Variants in TIAL1 observed in about 807,000 individuals in gnomAD.
TIAL1 encodes TIA1 cytotoxic granule associated RNA binding protein like 1.
A neutral mutation model predicts 59.7 loss-of-function variants in TIAL1; 7 were observed. The ratio of observed to expected loss-of-function variants is 0.12; its 90% confidence interval spans 0.07 to 0.22. The LOEUF (loss-of-function observed/expected upper bound fraction) is 0.22. TIAL1 is among the 10% of genes least tolerant of loss of function. The probability of loss-of-function intolerance (pLI) is 1.00; values close to 1 mark genes in which losing one functional copy is unlikely to be tolerated. For missense variants in TIAL1, 225 were observed against 462.5 expected (o/e 0.49, Z 4.71); for synonymous variants, 149 against 146.3 (o/e 1.02, Z -0.13).
At position 119,582,530 on chromosome 10, in the gene TIAL1, C is replaced by A; in HGVS notation, c.157G>T (p.Val53Leu). The A allele has an allele frequency of 6.2e-7, 1 of 1,612,198 alleles. No homozygotes were observed. Among genetic ancestry groups the A allele is most frequent in the African/African-American group, 1.3e-5 (1 of 74,932 alleles). ...EHTSNDPYCF[V>L]EFYEHRDAAA... is the part of the protein sequence containing the mutation. ...GCATCTCTGTGTTCATAAAATTCCA[C>A]AAAGCAATATGGGTCATTGCTTGTA... The change falls in exon 3 of 12, where the codon GTG (valine) becomes TTG (leucine). Residue 53 changes from valine (V) to leucine (L), a missense_variant. Transcript: ENST00000436547. This position sits in a 1 kb window ranked among gnomAD's most constrained non-coding sequence, Gnocchi z 5.1.
At chr10:119,578,607 G>T in intron 7 of TIAL1, 119 bp downstream of exon 7, 1 of 883,974 alleles carries the variant, frequency 1.1e-6, no homozygotes, top group Non-Finnish European at 1.8e-6. Flanking sequence ...CTCCAGCCTG[G>T]GCAACAGAGC....
At chr10:119,594,165 G>A (rs923661005) in intron 1 of TIAL1, among the ~76,000 whole-genome samples, 1 of 151,872 alleles carries the variant, frequency 6.6e-6, no homozygotes, top group Non-Finnish European at 1.5e-5. Flanking sequence ...ACAGAGTTAA[G>A]ATGTTTATTT....
At chr10:119,575,846 T>C (rs2133984439) in intron 11 of TIAL1, 55 bp from the exon 12 acceptor site, 1 of 1,489,724 alleles carries the variant, frequency 6.7e-7, no homozygotes, top group South Asian at 1.4e-5. Flanking sequence ...AAATCACATA[T>C]GTATTTACAC....
At chr10:119,590,951 T>G (rs1158139628) in intron 1 of TIAL1, among the ~76,000 whole-genome samples, 1 of 152,214 alleles carries the variant, frequency 6.6e-6, no homozygotes, top group African/African-American at 2.4e-5. Flanking sequence ...ATAACAAAAT[T>G]AAAATAGAAT....
chr10:119,577,772 A>G (rs1237188697), intron 7 of TIAL1, 36 bp from the exon 8 acceptor site: 1 of 1,510,084 alleles, frequency 6.6e-7, no homozygotes, highest in Non-Finnish European at 9.2e-7. Flanking sequence ...GTTGACTGTT[A>G]TATTGTACTA....
At chr10:119,581,419 C>A (rs768018470) in intron 5 of TIAL1, among the ~76,000 whole-genome samples, 6 of 151,888 alleles carry the variant, frequency 4.0e-5, no homozygotes, top group Admixed American at 6.6e-5. Flanking sequence ...TCACTTATAG[C>A]TAAAATATCA....
In TIAL1 at chr10:119,578,817, A is replaced by T. The variant is rs1307606311; in HGVS notation, c.465T>A (p.Ile155=). Residue 155 remains isoleucine (I), a synonymous_variant, in exon 7 of 12, where the codon ATT becomes ATA. Coordinates refer to ENST00000436547, the MANE Select transcript of TIAL1 (RefSeq NM_003252.4). ...FYNKLDAENA[I]VHMGGQWLGG... is the part of the protein sequence containing the mutation. ...CCAACCACTGACCGCCCATATGCAC[A>T]ATCGCATTTTCTGCATCCTATGGAT... 6.2e-7 allele frequency: 1 copy of T among 1,613,978 alleles called. No individual in the cohort carries two copies. The highest frequency in any genetic ancestry group is 1.3e-5 in the African/African-American group (1 of 74,934).
At chr10:119,579,911 A>G in intron 6 of TIAL1, 24 bp downstream of exon 6, 1 of 1,550,296 alleles carries the variant, frequency 6.5e-7, no homozygotes, top group Non-Finnish European at 8.7e-7. Flanking sequence ...ATTAAAAAAT[A>G]TAAATTGAGA....
At chr10:119,580,035 G>A (rs762114098) in intron 5 of TIAL1, 25 bp from the exon 6 acceptor site, 2 of 1,591,968 alleles carry the variant, frequency 1.3e-6, no homozygotes, top group East Asian at 2.2e-5. Flanking sequence ...ACAGCTAAAT[G>A]AGGGAAGTAA....
chr10:119,587,302 C>G (rs1406375359), intron 2 of TIAL1, among the ~76,000 whole-genome samples: 2 of 152,190 alleles, frequency 1.3e-5, no homozygotes, highest in African/African-American at 2.4e-5. Context: ...CCCTACCAAC[C>G]TGGATCAAAG....
At chr10:119,576,845 A>C in intron 10 of TIAL1, 95 bp from the exon 11 acceptor site, 1 of 1,504,950 alleles carries the variant, frequency 6.6e-7, no homozygotes. Context: ...CTAAGTAAGC[A>C]CCCTTATGTG....
chr10:119,576,145 T>A (rs11199024), intron 11 of TIAL1, among the ~76,000 whole-genome samples: 4,195 of 145,956 alleles, frequency 0.029, 210 homozygotes, highest in African/African-American at 0.1. Context: ...AAAATAAAGC[T>A]ATGGGCTGGC....
chr10:119,574,592 A>AAAAAAAAAAAAAAAAAC lies in TIAL1; in HGVS notation c.*1072_*1073insGTTTTTTTTTTTTTTTT. The stretch of plus-strand genomic sequence containing the variant: ...CATACCAAGTAATGTAAAGCAAAAA[A>AAAAAAAAAAAAAAAAAC]AAAAAAAAAAAAAAACAAAAACAAA... On this transcript the variant is annotated 3_prime_UTR_variant, in exon 12 of 12. Coordinates refer to ENST00000436547, the MANE Select transcript of TIAL1 (RefSeq NM_003252.4). The AAAAAAAAAAAAAAAAAC allele has an allele frequency of 6.8e-6, 1 of 146,292 alleles. No individual in the cohort carries two copies. The highest frequency in any genetic ancestry group is 2.7e-5 in the African/African-American group (1 of 37,280). The allele number at this position is 146,292 out of a possible 1,614,324, so 9.1% of individuals were successfully genotyped here. A position where few individuals can be genotyped will look rare whatever the true frequency, so the allele number is the denominator to read the frequency against.
At chr10:119,583,813 C>A (rs1326598167) in intron 2 of TIAL1, among the ~76,000 whole-genome samples, 1 of 152,170 alleles carries the variant, frequency 6.6e-6, no homozygotes, top group Non-Finnish European at 1.5e-5. Flanking sequence ...CAAAATCCTA[C>A]TGTTGTAGCC....
rs1845346055 is a variant in TIAL1 at position 119,582,382 on chromosome 10, T to C, written c.228+77A>G. 6.6e-7 allele frequency: 1 copy of C among 1,513,668 alleles called. No individual in the cohort carries two copies. 93.8% of individuals were successfully genotyped at this position (1,513,668 alleles called of 1,614,324 possible). ...CAGCAGCCGAATATCTGCTCAAAAA[T>C]TTGCCTAGAAAGAATACAAACTAGT... On this transcript the variant is annotated intron_variant, in intron 3 of 11. Coordinates refer to ENST00000436547, the MANE Select transcript of TIAL1 (RefSeq NM_003252.4). The surrounding 1 kb of genome is among the most constrained non-coding windows in gnomAD (Gnocchi z 5.1).
Position 119,586,968 on chromosome 10 carries a change from A to C in TIAL1, c.129+1184T>G, listed in dbSNP as rs547689991. ...GGGAAACTCATTTGGCTGTCTCTCC[A>C]TTATATCTCCAGTACCTTGTATAGT... On this transcript the variant is annotated intron_variant, in intron 2 of 11. Coordinates refer to ENST00000436547, the MANE Select transcript of TIAL1 (RefSeq NM_003252.4). Among the ~76,000 whole-genome samples, 119 of 152,316 alleles carry C rather than the reference A, an allele frequency of 7.8e-4. 1 individual carries two copies. The Middle Eastern group carries it at 0.024, about 30-fold the overall frequency.
At chr10:119,578,369 A>AT (rs1355986825) in intron 7 of TIAL1, among the ~76,000 whole-genome samples, 1 of 152,120 alleles carries the variant, frequency 6.6e-6, no homozygotes, top group African/African-American at 2.4e-5. Flanking sequence ...CAGCCCAATT[A>AT]TTTTCAGATA....
intron 1 of TIAL1, among the ~76,000 whole-genome samples, chr10:119,591,663 T>G (rs1215321172): frequency 2.0e-5 from 3 of 152,206 alleles, no homozygotes; most frequent in Non-Finnish European, 4.4e-5. Flanking sequence ...AAAACTAACA[T>G]GAAAGGCCTT....
chr10:119,590,189 T>G (rs1845777844), intron 1 of TIAL1, among the ~76,000 whole-genome samples: 2 of 152,342 alleles, frequency 1.3e-5, no homozygotes, highest in South Asian at 4.1e-4. Context: ...ACTAGAGGAC[T>G]AAACAAGTGA....
Sources: allele counts gnomAD v4.1 joint callset (sites outside exome capture counted in the v4.1 genomes callset), GRCh38; gene constraint gnomAD v4.1.1; non-coding constraint Gnocchi (gnomAD v3.1); transcripts MANE v1.5; gene names NCBI Gene and HGNC (gene_info 2026-07-23, HGNC 2026-07-21).